Variants in KDM7A observed in about 807,000 individuals in gnomAD.
The protein encoded by KDM7A is lysine demethylase 7A, also known as lysine-specific demethylase 7A.
KDM7A carries 28 observed loss-of-function variants against 114.8 expected under a neutral mutation model. The ratio of observed to expected loss-of-function variants is 0.24; its 90% CI spans 0.18 to 0.33. The LOEUF (loss-of-function observed/expected upper bound fraction) is 0.33. KDM7A is among the 10% of genes least tolerant of loss of function. The pLI, the probability that KDM7A is intolerant of heterozygous loss-of-function variation, is 1.00. For synonymous variants in KDM7A, 423 were observed against 397.8 expected, an observed-to-expected ratio of 1.06 and a Z score of -0.75; for missense variants, 942 against 1,142.5, an observed-to-expected ratio of 0.82 and a Z score of 2.53.
At chr7:140,111,306 A>C in intron 10 of KDM7A, 122 bp from the exon 11 acceptor site, 1 of 599,796 alleles carries the variant, frequency 1.7e-6, no homozygotes, top group Non-Finnish European at 2.9e-6. Context: ...AAATACTAGT[A>C]AGCCAGGTTT....
chr7:140,117,395 A>G (rs913109275), intron 9 of KDM7A, among the ~76,000 whole-genome samples: 3 of 152,012 alleles, frequency 2.0e-5, no homozygotes, highest in Non-Finnish European at 4.4e-5. Flanking sequence ...ATTTGTTTTA[A>G]GAAGTTAAAG....
rs577893775 is a variant in KDM7A at position 140,090,050 on chromosome 7, T to C, written c.*1044A>G. On this transcript the variant is annotated 3_prime_UTR_variant, in exon 20 of 20. Transcript: ENST00000397560. ...GTATAACCTCTGCAGCAGGTGCCAG[T>C]CCTGTTGTCCAACAGCAGCAGTACG... 2 of 152,310 alleles carry C rather than the reference T, an allele frequency of 1.3e-5. No individual in the cohort carries two copies. The highest frequency in any genetic ancestry group is 4.8e-5 in the African/African-American group (2 of 41,564). The allele number at this position is 152,310 out of a possible 1,614,324, so 9.4% of individuals were successfully genotyped here. A position where few individuals can be genotyped will look rare whatever the true frequency, so the allele number is the denominator to read the frequency against.
At chr7:140,100,709 C>CAT (rs1818199422) in intron 12 of KDM7A, among the ~76,000 whole-genome samples, 1 of 31,792 alleles carries the variant, frequency 3.1e-5, no homozygotes, top group Admixed American at 3.3e-4. Flanking sequence ...TATATATATA[C>CAT]ACATATATAT....
At chr7:140,098,780 G>A (rs1818156015) in intron 14 of KDM7A, 99 bp downstream of exon 14, 4 of 1,040,790 alleles carry the variant, frequency 3.8e-6, no homozygotes, top group Non-Finnish European at 5.7e-6. Context: ...AAAGTTTTCT[G>A]CTATTTTAAA....
chr7:140,176,368 C>T lies in KDM7A; in HGVS notation c.194+376G>A, dbSNP rs1048587138. ...CCGGGCGCGGCGGGGCGGGGCGGGG[C>T]GGCGGCGGCCCGGGCTGGCGAGGGG... On this transcript the variant is annotated intron_variant, in intron 1 of 19. Transcript: ENST00000397560. This position sits in a 1 kb window ranked among gnomAD's most constrained non-coding sequence, Gnocchi z 4.4. Among the ~76,000 whole-genome samples, 1 of 137,938 alleles carries T rather than the reference C, an allele frequency of 7.2e-6. No individual in the cohort carries two copies. Among genetic ancestry groups the T allele is most frequent in the African/African-American group, 2.6e-5 (1 of 39,090 alleles). 90.5% of individuals were successfully genotyped at this position (137,938 alleles called of 152,430 possible).
Position 140,099,883 on chromosome 7 carries a change from G to T in KDM7A, c.1763+16C>A. ...TGAAAATTAATCTATTTGATACTCTGATTTACTTTACATACTTAATTATTC... is the reference window on the plus strand; with the variant it reads ...TGAAAATTAATCTATTTGATACTCTTATTTACTTTACATACTTAATTATTC... On this transcript the variant is annotated intron_variant, in intron 13 of 19. Transcript: ENST00000397560. 1 of 1,603,866 alleles carries T rather than the reference G, an allele frequency of 6.2e-7. No homozygotes were observed. Among genetic ancestry groups the T allele is most frequent in the South Asian group, 1.1e-5 (1 of 90,820 alleles).
intron 9 of KDM7A, among the ~76,000 whole-genome samples, chr7:140,117,547 G>C (rs1273694925): frequency 3.3e-5 from 5 of 152,152 alleles, no homozygotes; most frequent in African/African-American, 1.2e-4. Context: ...GGGACAGAGA[G>C]AAAAGAGGGG....
rs189742370 is a variant in KDM7A at position 140,086,992 on chromosome 7, T to C, written c.*4102A>G. On this transcript the variant is annotated 3_prime_UTR_variant, in exon 20 of 20. Transcript: ENST00000397560. The stretch of plus-strand genomic sequence containing the variant: ...ATGATATTCCAATCAACTCTATCTA[T>C]AGTCTTACTGCTGCAGAGAGCATCT... 1 of 152,346 alleles carries C rather than the reference T, an allele frequency of 6.6e-6. No individual in the cohort carries two copies. Among genetic ancestry groups the C allele is most frequent in the Non-Finnish European group, 1.5e-5 (1 of 68,026 alleles). 9.4% of individuals were successfully genotyped at this position (152,346 alleles called of 1,614,324 possible). A position where few individuals can be genotyped will look rare whatever the true frequency, so the allele number is the denominator to read the frequency against.
At chr7:140,108,061 A>G (rs1166707688) in intron 11 of KDM7A, among the ~76,000 whole-genome samples, 3 of 152,200 alleles carry the variant, frequency 2.0e-5, no homozygotes, top group Non-Finnish European at 4.4e-5. Flanking sequence ...CACTTGATCA[A>G]ATCGGCTACC....
intron 17 of KDM7A, chr7:140,094,600 T>A (rs749200140): frequency 1.7e-4 from 27 of 155,808 alleles, no homozygotes; most frequent in Non-Finnish European, 2.9e-4. Context: ...TTACCTTCAC[T>A]ATATGCCTTT....
chr7:140,114,646 G>A (rs1234622097), intron 9 of KDM7A, among the ~76,000 whole-genome samples: 1 of 152,046 alleles, frequency 6.6e-6, no homozygotes, highest in Non-Finnish European at 1.5e-5. Context: ...GGGATGTGAG[G>A]AGCCCCTCTG....
At chr7:140,130,598 G>A (rs1214448642) in intron 3 of KDM7A, among the ~76,000 whole-genome samples, 2 of 151,988 alleles carry the variant, frequency 1.3e-5, no homozygotes, top group East Asian at 3.9e-4. Flanking sequence ...TCCAGCCTGA[G>A]TGACAAGAGC....
At chr7:140,149,578 T>C (rs773197213) in intron 1 of KDM7A, among the ~76,000 whole-genome samples, 9 of 152,232 alleles carry the variant, frequency 5.9e-5, no homozygotes, top group Non-Finnish European at 1.2e-4. Flanking sequence ...TACTCTCTTA[T>C]TCCTCAGCCT....
At chr7:140,109,639 T>G (rs768756011) in intron 11 of KDM7A, among the ~76,000 whole-genome samples, 56 of 152,208 alleles carry the variant, frequency 3.7e-4, no homozygotes, top group Non-Finnish European at 8.8e-5. Flanking sequence ...CTGTAGTTAT[T>G]TGCCTCCAAA....
chr7:140,095,001 C>T (rs1287709901), intron 17 of KDM7A, among the ~76,000 whole-genome samples: 1 of 152,186 alleles, frequency 6.6e-6, no homozygotes, highest in African/African-American at 2.4e-5. Flanking sequence ...GCATGCGCCA[C>T]CACGCCCGGC....
chr7:140,113,614 A>G (rs774141394), intron 9 of KDM7A, 32 bp from the exon 10 acceptor site: 1 of 1,179,504 alleles, frequency 8.5e-7, no homozygotes, highest in East Asian at 2.4e-5. Context: ...GAGAAAAAAA[A>G]ATAGTTAAAA....
chr7:140,145,300 T>C (rs536871180), intron 1 of KDM7A, among the ~76,000 whole-genome samples: 221 of 152,174 alleles, frequency 1.5e-3, no homozygotes, highest in African/African-American at 5.0e-3. Flanking sequence ...GAAATGTAAG[T>C]GGTCAAAAAA....
At chr7:140,131,358 A>G (rs1229296887) in intron 3 of KDM7A, among the ~76,000 whole-genome samples, 1 of 152,166 alleles carries the variant, frequency 6.6e-6, no homozygotes, top group Admixed American at 6.5e-5. Context: ...CTACACATTC[A>G]AAATTAAGTG....
intron 11 of KDM7A, among the ~76,000 whole-genome samples, chr7:140,103,656 C>T (rs1429459230): frequency 6.6e-6 from 1 of 152,142 alleles, no homozygotes; most frequent in Non-Finnish European, 1.5e-5. Flanking sequence ...CTTTTTTTGG[C>T]TGCATAGTAT....
Sources: allele counts gnomAD v4.1 joint callset (sites outside exome capture counted in the v4.1 genomes callset), GRCh38; gene constraint gnomAD v4.1.1; non-coding constraint Gnocchi (gnomAD v3.1); transcripts MANE v1.5; gene names NCBI Gene and HGNC (gene_info 2026-07-23, HGNC 2026-07-21).